PRAMEF15: variants seen among roughly 807,000 people sequenced by gnomAD.
The protein encoded by PRAMEF15 is PRAME family member 15, also known as PRAME family member 9/15.
PRAMEF15 carries 21 observed loss-of-function variants against 35.3 expected under a neutral mutation model. The observed-to-expected ratio is 0.59, with a 90% CI of 0.42 to 0.86. The LOEUF (loss-of-function observed/expected upper bound fraction) is 0.86, where lower values mean the gene tolerates loss of function less well. PRAMEF15 is among the 40% of genes least tolerant of loss of function. The probability of loss-of-function intolerance (pLI) is 0.00; values close to 1 mark genes in which losing one functional copy is unlikely to be tolerated. For missense variants in PRAMEF15, 360 were observed against 574.1 expected (o/e 0.63, Z 3.81); for synonymous variants, 122 against 223.3 (o/e 0.55, Z 4.05).
At position 13,319,438 on chromosome 1, in the gene PRAMEF15, A is replaced by G; in HGVS notation, c.360A>G (p.Glu120=). 2 of 1,613,100 alleles carry G rather than the reference A, an allele frequency of 1.2e-6. No individual in the cohort carries two copies. Among genetic ancestry groups the G allele is most frequent in the Non-Finnish European group, 8.5e-7 (1 of 1,179,830 alleles). Reference sequence around the variant, plus strand: ...AGAACTTCTGGATGGTTTGGTCTGAAGCTATGGCCCATGGGTGCTTCCTCA... The same window carrying G: ...AGAACTTCTGGATGGTTTGGTCTGAGGCTATGGCCCATGGGTGCTTCCTCA... ...VCENFWMVWS[E]AMAHGCFLNA... is the part of the protein sequence containing the mutation. Residue 120 remains glutamate (E), a synonymous_variant, in exon 3 of 4, where the codon GAA becomes GAG. Transcript: ENST00000376152.
Position 13,318,263 on chromosome 1 carries a change from A to G in PRAMEF15, c.-16-129A>G, listed in dbSNP as rs1553123330. 1.0e-5 allele frequency: 15 copies of G among 1,506,962 alleles called. 2 individuals are homozygous for G. The highest frequency in any genetic ancestry group is 2.4e-4 in the Middle Eastern group (1 of 4,130). The allele number at this position is 1,506,962 out of a possible 1,614,324, so 93.3% of individuals were successfully genotyped here. ...CTGGCTTAATGGCCACTGAGTACAG[A>G]GTAGAATTGGAGTAAACTGAGGACT... On this transcript the variant is annotated intron_variant, in intron 1 of 3. Coordinates refer to ENST00000376152, the MANE Select transcript of PRAMEF15 (RefSeq NM_001098376.3).
chr1:13,321,747 T>C lies in PRAMEF15; in HGVS notation c.920T>C (p.Val307Ala). 1 of 1,609,090 alleles carries C rather than the reference T, an allele frequency of 6.2e-7. No homozygotes were observed. Among genetic ancestry groups the C allele is most frequent in the South Asian group, 1.1e-5 (1 of 90,786 alleles). ...SLKVLTITNC[V>A]LLESDLKHLS... is the part of the protein sequence containing the mutation. ...AAAGTCCTCACAATAACTAACTGTG[T>C]GCTTTTGGAATCAGACTTGAAGCAT... The change falls in exon 4 of 4, where the codon GTG becomes GCG. Residue 307 changes from valine (V) to alanine (A), a missense_variant. Transcript: ENST00000376152.
chr1:13,318,215 G>A (rs2100318270), intron 1 of PRAMEF15, among the ~76,000 whole-genome samples, 177 bp from the exon 2 acceptor site: 1 of 152,254 alleles, frequency 6.6e-6, no homozygotes, highest in East Asian at 1.9e-4. Context: ...AGACGCTCAT[G>A]CTGATGCAGC....
At chr1:13,318,098 T>C (rs1230314746) in intron 1 of PRAMEF15, among the ~76,000 whole-genome samples, 80 of 149,606 alleles carry the variant, frequency 5.3e-4, no homozygotes, top group African/African-American at 1.1e-3. Flanking sequence ...TTTCCCCCAA[T>C]GGTAGGAGGG....
intron 3 of PRAMEF15, among the ~76,000 whole-genome samples, chr1:13,320,244 G>A (rs1179207276): frequency 2.0e-5 from 3 of 152,032 alleles, no homozygotes; most frequent in African/African-American, 4.8e-5. Context: ...TTCTTCCTGA[G>A]GACATGTGTC....
At chr1:13,319,148 C>A (rs1401579464) in intron 2 of PRAMEF15, among the ~76,000 whole-genome samples, 1 of 149,942 alleles carries the variant, frequency 6.7e-6, no homozygotes, top group South Asian at 2.1e-4. Context: ...GAGGTGACAT[C>A]ACACCACTGC....
intron 3 of PRAMEF15, among the ~76,000 whole-genome samples, chr1:13,321,097 C>A (rs1195934028): frequency 6.6e-6 from 1 of 151,804 alleles, no homozygotes; most frequent in Non-Finnish European, 1.5e-5. Context: ...GCTCCTGCGG[C>A]CCAGGGATGT....
intron 3 of PRAMEF15, among the ~76,000 whole-genome samples, chr1:13,321,484 G>A (rs1348809335): frequency 6.6e-6 from 1 of 151,768 alleles, no homozygotes; most frequent in Non-Finnish European, 1.5e-5. Context: ...CAAAGTGCTG[G>A]GATTACAGGT....
intron 1 of PRAMEF15, among the ~76,000 whole-genome samples, chr1:13,317,244 T>A (rs1198063101): frequency 2.0e-5 from 3 of 151,752 alleles, no homozygotes; most frequent in Non-Finnish European, 4.4e-5. Flanking sequence ...TAATTTTTGC[T>A]GTCTTAGTAG....
chr1:13,315,758 G>A (rs1177644084), intron 1 of PRAMEF15, 100 bp downstream of exon 1: 1 of 144,252 alleles, frequency 6.9e-6, no homozygotes, highest in Non-Finnish European at 1.5e-5. Context: ...GCTATATCCT[G>A]TCCTTTTTTT....
rs1640091106 is a variant in PRAMEF15 at position 13,322,047 on chromosome 1, T to C, written c.1220T>C (p.Leu407Pro). 6 of 1,609,976 alleles carry C rather than the reference T, an allele frequency of 3.7e-6. No homozygotes were observed. Among genetic ancestry groups the C allele is most frequent in the African/African-American group, 2.7e-5 (2 of 74,722 alleles). The change falls in exon 4 of 4, where the codon CTC (leucine) becomes CCC (proline). Residue 407 changes from leucine (L) to proline (P), a missense_variant. By Grantham distance (98) the Leu-to-Pro change is moderately conservative. Around this residue, in one of 8 missense-constraint regions of PRAMEF15, gnomAD observed 147 missense variants for 123.5 expected, o/e 1.19. Transcript: ENST00000376152. The part of the protein sequence containing the change: ...LENLLSHTII[L>P]KNLCVELYPA... ...AACCTGCTGAGCCACACAATCATACTCAAAAACTTATGTGTGGAGCTGTAT... is the reference window on the plus strand; with the variant it reads ...AACCTGCTGAGCCACACAATCATACCCAAAAACTTATGTGTGGAGCTGTAT...
At chr1:13,319,219 T>C (rs1322425076) in intron 2 of PRAMEF15, among the ~76,000 whole-genome samples, 153 bp from the exon 3 acceptor site, 1 of 146,046 alleles carries the variant, frequency 6.8e-6, no homozygotes, top group Non-Finnish European at 1.5e-5. Context: ...CAAAACAATG[T>C]GGAAGTGGGC....
rs1371371515 is a variant in PRAMEF15, at chr1:13,322,203, A to G, written c.1376A>G (p.Tyr459Cys). Residue 459 changes from tyrosine to cysteine, a missense_variant, in exon 4 of 4, where the codon TAC becomes TGC. Transcript: ENST00000376152. Reference sequence around the variant, plus strand: ...AAGAGGATCTTGTTCTGTACTGACTACTGCCCTGACTGTGGCAACAGGTCA... The same window carrying G: ...AAGAGGATCTTGTTCTGTACTGACTGCTGCCCTGACTGTGGCAACAGGTCA... The part of the protein sequence containing the change: ...HPKRILFCTD[Y>C]CPDCGNRSFY... 81 of 1,606,464 alleles carry G rather than the reference A, an allele frequency of 5.0e-5. 2 individuals are homozygous for G. The highest frequency in any genetic ancestry group is 3.4e-4 in the East Asian group (15 of 44,194).
intron 3 of PRAMEF15, 146 bp from the exon 4 acceptor site, chr1:13,321,557 T>G (rs1640083646): frequency 1.4e-6 from 2 of 1,428,214 alleles, no homozygotes; most frequent in Middle Eastern, 2.4e-4. Flanking sequence ...TCATCACGCA[T>G]CATCCTAAGT....
chr1:13,319,992 A>G, intron 3 of PRAMEF15, 39 bp downstream of exon 3: 1 of 1,610,234 alleles, frequency 6.2e-7, no homozygotes. Context: ...AGACCACAGC[A>G]GAGCCTGTTA....
At chr1:13,319,138 G>T (rs1640046083) in intron 2 of PRAMEF15, among the ~76,000 whole-genome samples, 1 of 151,046 alleles carries the variant, frequency 6.6e-6, no homozygotes, top group African/African-American at 2.4e-5. Flanking sequence ...AGGTTGCAGT[G>T]AGGTGACATC....
At position 13,321,543 on chromosome 1, in the gene PRAMEF15, C is replaced by T. The variant is rs1247732963; in HGVS notation, c.876-160C>T. 6.6e-5 allele frequency among the ~76,000 whole-genome samples: 10 copies of T among 151,802 alleles called. 1 individual carries two copies. Among genetic ancestry groups the T allele is most frequent in the African/African-American group, 2.2e-4 (9 of 41,314 alleles). ...AGTGGAATTGACCTCAGTGGCAAAG[C>T]TCTTCATCACGCATCATCCTAAGTG... On this transcript the variant is annotated intron_variant, in intron 3 of 3. Coordinates refer to ENST00000376152, the MANE Select transcript of PRAMEF15 (RefSeq NM_001098376.3).
chr1:13,318,983 T>C (rs2995616), intron 2 of PRAMEF15, among the ~76,000 whole-genome samples: 985 of 148,940 alleles, frequency 6.6e-3, no homozygotes, highest in African/African-American at 0.022. Context: ...GAGGCTGAGG[T>C]CAAGAGTTGG....
intron 3 of PRAMEF15, among the ~76,000 whole-genome samples, chr1:13,320,884 T>C (rs1337351890): frequency 6.6e-6 from 1 of 152,112 alleles, no homozygotes; most frequent in African/African-American, 2.4e-5. Flanking sequence ...TGTAAAAGTT[T>C]CTTTTGAGCT....
Sources: gnomAD v4.1 joint callset for allele counts (sites outside exome capture counted in the v4.1 genomes callset) on GRCh38, gnomAD v4.1.1 for gene constraint, gnomAD v4.1.1 regional missense constraint, MANE v1.5 for transcripts, NCBI Gene and HGNC (gene_info 2026-07-23, HGNC 2026-07-21) for gene names.